RANBP17: variants seen among roughly 807,000 people sequenced by gnomAD.
The protein encoded by RANBP17 is ran-binding protein 17.
Under a neutral mutation model 141.2 loss-of-function variants are expected in RANBP17, and 158 were observed. The ratio of observed to expected loss-of-function variants is 1.12; its 90% confidence interval spans 0.98 to 1.28. The LOEUF is 1.28. RANBP17 is among the 50% of genes most tolerant of loss of function. The pLI is 0.00. For missense variants in RANBP17, 1,438 were observed against 1,290.7 expected (o/e 1.11, Z -1.75); for synonymous variants, 430 against 450.0 (o/e 0.96, Z 0.56).
intron 4 of RANBP17, among the ~76,000 whole-genome samples, chr5:170,893,656 G>A (rs1769846224): frequency 6.6e-6 from 1 of 152,026 alleles, no homozygotes; most frequent in African/African-American, 2.4e-5. Flanking sequence ...AGCTGGGCGT[G>A]GTGGCGGGCG....
chr5:171,017,000 G>A (rs1372414942), intron 14 of RANBP17, among the ~76,000 whole-genome samples: 1 of 147,440 alleles, frequency 6.8e-6, no homozygotes, highest in Non-Finnish European at 1.5e-5. Flanking sequence ...GAGAGCATTC[G>A]GTGTTTGGTT....
chr5:171,189,554 G>T (rs1239234002), intron 18 of RANBP17, among the ~76,000 whole-genome samples: 2 of 152,190 alleles, frequency 1.3e-5, no homozygotes, highest in Non-Finnish European at 2.9e-5. Flanking sequence ...CACCGTCATT[G>T]TGGCTCCTGG....
chr5:171,215,172 G>A (rs1763144419), intron 21 of RANBP17, among the ~76,000 whole-genome samples: 1 of 151,758 alleles, frequency 6.6e-6, no homozygotes, highest in South Asian at 2.1e-4. Context: ...TTATGTTCCT[G>A]TGTTAGTTTG....
At chr5:171,164,815 A>G (rs1759566883) in intron 14 of RANBP17, among the ~76,000 whole-genome samples, 1 of 152,204 alleles carries the variant, frequency 6.6e-6, no homozygotes, top group South Asian at 2.1e-4. Flanking sequence ...GTATCATGAA[A>G]TTTTGAAGCA....
rs1173839982 is a variant in RANBP17 at position 171,114,790 on chromosome 5, CA to C, written c.1711-55339del. 3.3e-5 allele frequency among the ~76,000 whole-genome samples: 5 copies of C among 150,890 alleles called. No individual in the cohort carries two copies. The Admixed American group carries it at 3.3e-4, about 10-fold the overall frequency. ...AGACCCTTTGCTTAAGTACTAGGGA[CA>C]CAGACTAAATGTGGTCTTGGTTCTT... is the stretch of plus-strand genomic sequence containing the variant. On this transcript the variant is annotated intron_variant, in intron 14 of 27. Coordinates refer to ENST00000523189, the MANE Select transcript of RANBP17 (RefSeq NM_022897.5).
At chr5:170,875,522 T>A (rs924402195) in intron 1 of RANBP17, among the ~76,000 whole-genome samples, 1 of 152,204 alleles carries the variant, frequency 6.6e-6, no homozygotes, top group African/African-American at 2.4e-5. Context: ...TTCTTCTCAT[T>A]CTTTTTTCTC....
At chr5:170,995,335 G>A (rs374988649) in intron 14 of RANBP17, among the ~76,000 whole-genome samples, 3 of 152,102 alleles carry the variant, frequency 2.0e-5, no homozygotes, top group Non-Finnish European at 4.4e-5. Context: ...AGATGGGTTT[G>A]TGTGGTTTTT....
At chr5:170,862,146 C>T in intron 1 of RANBP17, 95 bp downstream of exon 1, 1 of 1,273,778 alleles carries the variant, frequency 7.9e-7, no homozygotes, top group South Asian at 1.9e-5. Context: ...GCGGCGGAGG[C>T]CGCAGGGCCG....
intron 14 of RANBP17, among the ~76,000 whole-genome samples, chr5:171,064,285 G>T (rs1033005859): frequency 6.6e-6 from 1 of 152,178 alleles, no homozygotes; most frequent in Non-Finnish European, 1.5e-5. Flanking sequence ...GATGGGAGCT[G>T]TTCCTATTCG....
chr5:171,166,429 T>G (rs1422479548), intron 14 of RANBP17, among the ~76,000 whole-genome samples: 1 of 151,868 alleles, frequency 6.6e-6, no homozygotes, highest in Non-Finnish European at 1.5e-5. Flanking sequence ...AAAGTGAGTT[T>G]TTTTTTTTTC....
intron 27 of RANBP17, among the ~76,000 whole-genome samples, chr5:171,298,295 C>T (rs1353827548): frequency 6.6e-6 from 1 of 152,168 alleles, no homozygotes; most frequent in Non-Finnish European, 1.5e-5. Flanking sequence ...TAACCCAGTG[C>T]CCCCTCTTTT....
At chr5:171,129,648 A>G (rs1419591501) in intron 14 of RANBP17, among the ~76,000 whole-genome samples, 1 of 152,228 alleles carries the variant, frequency 6.6e-6, no homozygotes, top group East Asian at 1.9e-4. Flanking sequence ...TACCATTTCC[A>G]ATGAGCAATT....
At chr5:171,203,910 C>G (rs984422107) in intron 19 of RANBP17, among the ~76,000 whole-genome samples, 4 of 152,056 alleles carry the variant, frequency 2.6e-5, no homozygotes, top group African/African-American at 9.7e-5. Context: ...AGAAACACTG[C>G]AAAGCCAAGG....
chr5:171,110,372 T>C (rs1005213975), intron 14 of RANBP17, among the ~76,000 whole-genome samples: 2 of 152,158 alleles, frequency 1.3e-5, no homozygotes, highest in Admixed American at 1.3e-4. Flanking sequence ...CCTTGTCCGC[T>C]CTCTTCTGAG....
At chr5:171,064,448 AT>A (rs1561612479) in intron 14 of RANBP17, among the ~76,000 whole-genome samples, 2 of 152,334 alleles carry the variant, frequency 1.3e-5, no homozygotes, top group Non-Finnish European at 2.9e-5. Flanking sequence ...ATTAACAAGC[AT>A]TTTTATATCT....
intron 4 of RANBP17, among the ~76,000 whole-genome samples, chr5:170,895,628 G>T (rs1447959256): frequency 6.6e-6 from 1 of 152,148 alleles, no homozygotes; most frequent in African/African-American, 2.4e-5. Flanking sequence ...TTTATTTATT[G>T]TTGAGTGTCT....
Position 170,981,170 on chromosome 5 carries a change from T to C in RANBP17, c.1710+12793T>C, listed in dbSNP as rs150985028. 3.0e-3 allele frequency among the ~76,000 whole-genome samples: 459 copies of C among 152,362 alleles called. 4 individuals carry two copies. Among genetic ancestry groups the C allele is most frequent in the African/African-American group, 0.011 (442 of 41,596 alleles). The stretch of plus-strand genomic sequence containing the variant: ...TTTATCCAATGCCTATACCCCCATT[T>C]TGTGTAGGAAATAACTAACTTGCTT... On this transcript the variant is annotated intron_variant, in intron 14 of 27. Coordinates refer to ENST00000523189, the MANE Select transcript of RANBP17 (RefSeq NM_022897.5).
chr5:171,167,267 A>G (rs1759768928), intron 14 of RANBP17, among the ~76,000 whole-genome samples: 1 of 152,176 alleles, frequency 6.6e-6, no homozygotes, highest in African/African-American at 2.4e-5. Context: ...CACATTTTTT[A>G]ATGTTAAAAT....
chr5:171,063,822 C>T (rs192181), intron 14 of RANBP17, among the ~76,000 whole-genome samples: 90,227 of 152,084 alleles, frequency 0.59, 28,737 homozygotes, highest in South Asian at 0.88. Flanking sequence ...CCACCCAGTT[C>T]GAGCTTCCCG....
Sources: gnomAD v4.1 joint callset for allele counts (sites outside exome capture counted in the v4.1 genomes callset) on GRCh38, gnomAD v4.1.1 for gene constraint, MANE v1.5 for transcripts, NCBI Gene and HGNC (gene_info 2026-07-23, HGNC 2026-07-21) for gene names.